Variants in LINGO2 observed in about 807,000 individuals in gnomAD.
LINGO2 encodes leucine-rich repeat and immunoglobulin-like domain-containing nogo receptor-interacting protein 2.
In LINGO2, 14 loss-of-function variants were observed where a neutral mutation model predicts 30.6. The ratio of observed to expected loss-of-function variants is 0.46; its 90% confidence interval spans 0.30 to 0.72. The LOEUF is 0.72. LINGO2 is among the 30% of genes least tolerant of loss of function. LINGO2 has a pLI of 0.07. For synonymous variants in LINGO2, 317 were observed against 288.5 expected (o/e 1.10, Z -1.00); for missense variants, 729 against 751.7 (o/e 0.97, Z 0.35).
At chr9:28,211,285 T>TC (rs1820582126) in intron 4 of LINGO2, among the ~76,000 whole-genome samples, 1 of 149,886 alleles carries the variant, frequency 6.7e-6, no homozygotes. Context: ...AACTCCAAAT[T>TC]CCTTTTTTTT....
the LINGO2 span, among the ~76,000 whole-genome samples, chr9:28,889,925 T>C: frequency 6.6e-6 from 1 of 152,040 alleles, no homozygotes; most frequent in Admixed American, 6.6e-5. Context: ...TTTGTTCAAA[T>C]GAAAAAAATA....
rs938360390 is a variant in LINGO2 at position 28,204,306 on chromosome 9, T to A, written c.-87+90902A>T. ...TATACGTATTCCCTGTGAGTCATTT[T>A]GAGTCTTTTGTGGAATGGATTAATT... On this transcript the variant is annotated intron_variant, in intron 4 of 5. Transcript: ENST00000379992. Among the ~76,000 whole-genome samples, 5 of 152,218 alleles carry A rather than the reference T, an allele frequency of 3.3e-5. No individual in the cohort carries two copies. The East Asian group carries it at 9.6e-4, about 29-fold the overall frequency.
intron 1 of LINGO2, among the ~76,000 whole-genome samples, chr9:28,623,666 T>G (rs1268187936): frequency 6.6e-6 from 1 of 152,130 alleles, no homozygotes; most frequent in Non-Finnish European, 1.5e-5. Flanking sequence ...TAGGATAGCT[T>G]TGGCTATTCT....
chr9:28,652,947 G>A (rs189886355), intron 1 of LINGO2, among the ~76,000 whole-genome samples: 63 of 152,086 alleles, frequency 4.1e-4, no homozygotes, highest in African/African-American at 1.3e-3. Context: ...GAGAAAGTGC[G>A]TTAGTTAAAT....
At chr9:28,168,368 T>C (rs1828490867) in intron 4 of LINGO2, among the ~76,000 whole-genome samples, 1 of 152,198 alleles carries the variant, frequency 6.6e-6, no homozygotes, top group Non-Finnish European at 1.5e-5. Flanking sequence ...TGGGGTAGTG[T>C]GAAAATAGCA....
chr9:28,258,283 G>A (rs1445456002), intron 4 of LINGO2, among the ~76,000 whole-genome samples: 1 of 151,724 alleles, frequency 6.6e-6, no homozygotes, highest in Non-Finnish European at 1.5e-5. Context: ...AAGGGTCATA[G>A]GAGAGGAGAA....
intron 4 of LINGO2, among the ~76,000 whole-genome samples, chr9:28,229,664 T>A (rs529111003): frequency 6.6e-6 from 1 of 151,878 alleles, no homozygotes; most frequent in East Asian, 1.9e-4. Flanking sequence ...AACAAAACTT[T>A]AAAAAATAAA....
chr9:28,271,499 T>C (rs1312605276), intron 4 of LINGO2, among the ~76,000 whole-genome samples: 1 of 152,172 alleles, frequency 6.6e-6, no homozygotes, highest in Non-Finnish European at 1.5e-5. Flanking sequence ...AGAAATAACA[T>C]AGAATTTGTA....
chr9:28,623,219 G>A (rs1204807967), intron 1 of LINGO2, among the ~76,000 whole-genome samples: 1 of 151,784 alleles, frequency 6.6e-6, no homozygotes, highest in Non-Finnish European at 1.5e-5. Context: ...GTCCATTTTT[G>A]CTTTTGTTGT....
the LINGO2 span, among the ~76,000 whole-genome samples, chr9:28,769,736 TACTC>T: frequency 6.6e-6 from 1 of 151,018 alleles, no homozygotes; most frequent in Admixed American, 6.6e-5. Flanking sequence ...TTAGTTTACT[TACTC>T]AGACATTCCT....
chr9:28,901,199 A>G, the LINGO2 span, among the ~76,000 whole-genome samples: 2 of 152,170 alleles, frequency 1.3e-5, no homozygotes, highest in Admixed American at 1.3e-4. Context: ...TCCATTAAAG[A>G]ATAACATGTC....
At chr9:29,106,792 T>C in the LINGO2 span, among the ~76,000 whole-genome samples, 12 of 152,216 alleles carry the variant, frequency 7.9e-5, no homozygotes, top group Non-Finnish European at 1.5e-5. Context: ...AAATTCTTCA[T>C]TGCAAATGAG....
At chr9:28,705,017 G>A in the LINGO2 span, among the ~76,000 whole-genome samples, 3 of 151,924 alleles carry the variant, frequency 2.0e-5, no homozygotes, top group Non-Finnish European at 4.4e-5. Flanking sequence ...CCTAGGCTCA[G>A]GTGATCCTCC....
At chr9:28,338,522 G>C (rs976495111) in intron 3 of LINGO2, among the ~76,000 whole-genome samples, 12 of 151,980 alleles carry the variant, frequency 7.9e-5, no homozygotes, top group African/African-American at 1.2e-4. Flanking sequence ...AGGTACCAGG[G>C]GCAGAATGAT....
chr9:27,973,158 A>C (rs967867055), intron 5 of LINGO2, among the ~76,000 whole-genome samples: 1 of 152,072 alleles, frequency 6.6e-6, no homozygotes, highest in Non-Finnish European at 1.5e-5. Flanking sequence ...ATGACCATAA[A>C]TCTGTGTGTA....
chr9:28,421,718 T>C (rs1326738518), intron 2 of LINGO2, among the ~76,000 whole-genome samples: 1 of 152,070 alleles, frequency 6.6e-6, no homozygotes, highest in Non-Finnish European at 1.5e-5. Context: ...AAAAAATTCA[T>C]ACATAAGCGT....
the LINGO2 span, among the ~76,000 whole-genome samples, chr9:29,201,933 G>A: frequency 1.3e-5 from 2 of 152,096 alleles, no homozygotes; most frequent in East Asian, 3.9e-4. Flanking sequence ...ATGGCAGTCA[G>A]AATTTGAAAC....
intron 1 of LINGO2, among the ~76,000 whole-genome samples, chr9:28,531,712 A>G (rs1249778842): frequency 6.6e-6 from 1 of 152,190 alleles, no homozygotes; most frequent in Non-Finnish European, 1.5e-5. Flanking sequence ...CTTTATTTGT[A>G]TTAACATTTC....
At chr9:28,159,569 T>A (rs879429842) in intron 4 of LINGO2, among the ~76,000 whole-genome samples, 1 of 152,154 alleles carries the variant, frequency 6.6e-6, no homozygotes, top group Non-Finnish European at 1.5e-5. Context: ...CATTTTTATC[T>A]TAGATAATTG....
Sources: gnomAD v4.1 joint callset for allele counts (sites outside exome capture counted in the v4.1 genomes callset) on GRCh38, gnomAD v4.1.1 for gene constraint, MANE v1.5 for transcripts, NCBI Gene and HGNC (gene_info 2026-07-23, HGNC 2026-07-21) for gene names.